The following PTCD1 variants were observed in gnomAD, a reference collection of about 807,000 sequenced individuals.
PTCD1 encodes pentatricopeptide repeat domain 1, also known as pentatricopeptide repeat-containing protein 1, mitochondrial.
PTCD1 carries 50 observed loss-of-function variants against 53.4 expected under a neutral mutation model. That is an observed-to-expected ratio of 0.94 (90% CI 0.75 to 1.19). PTCD1 has a LOEUF of 1.19. PTCD1 is among the 50% of genes most tolerant of loss of function. PTCD1 has a pLI of 0.00. For missense variants in PTCD1, 918 were observed against 904.8 expected, an observed-to-expected ratio of 1.01 and a Z score of -0.19; for synonymous variants, 413 against 394.8, an observed-to-expected ratio of 1.05 and a Z score of -0.55.
intron 5 of PTCD1, among the ~76,000 whole-genome samples, chr7:99,427,320 C>G (rs1322956760): frequency 1.4e-5 from 2 of 146,560 alleles, no homozygotes; most frequent in Admixed American, 6.7e-5. Flanking sequence ...GGTCAGCCCC[C>G]CGCCCGGCCA....
intron 1 of PTCD1, among the ~76,000 whole-genome samples, chr7:99,437,546 G>A (rs1244908110): frequency 6.6e-6 from 1 of 152,018 alleles, no homozygotes. Context: ...CTTGTGATCC[G>A]CCCGCCTCGG....
intron 7 of PTCD1, among the ~76,000 whole-genome samples, chr7:99,422,809 T>A (rs1795874371): frequency 1.3e-5 from 2 of 152,174 alleles, no homozygotes; most frequent in South Asian, 4.1e-4. Context: ...CCTGTCTGCA[T>A]AATAAAAGGT....
At chr7:99,433,077 C>A in intron 3 of PTCD1, 1 of 732,058 alleles carries the variant, frequency 1.4e-6, no homozygotes, top group Admixed American at 2.5e-5. Flanking sequence ...AACATGGGGA[C>A]CGCCACAGTC....
rs1268624368 is a variant in PTCD1, at chr7:99,419,592, A to G, written c.*375T>C. 7.6e-6 allele frequency: 7 copies of G among 926,514 alleles called. No individual in the cohort carries two copies. The highest frequency in any genetic ancestry group is 8.1e-6 in the Non-Finnish European group (5 of 616,036). The allele number at this position is 926,514 out of a possible 1,614,324, so 57.4% of individuals were successfully genotyped here. On this transcript the variant is annotated 3_prime_UTR_variant, in exon 8 of 8. Coordinates refer to ENST00000292478, the MANE Select transcript of PTCD1 (RefSeq NM_015545.4). ...CGCTGTCTATCAGCTGTGATTTGTA[A>G]AAATAAAATCTTTAAATCTCTCGAG...
rs1795523806 is a variant in PTCD1, at chr7:99,417,061, A to G, written c.*2906T>C. ...AAGGACTGTCCCGTTGCAATACTGA[A>G]TGCCTTTTTTTTTTTGAGATGGAGT... is the stretch of plus-strand genomic sequence containing the variant. On this transcript the variant is annotated 3_prime_UTR_variant, in exon 8 of 8. Transcript: ENST00000292478. The G allele has an allele frequency of 4.3e-6, 1 of 231,526 alleles. No individual in the cohort carries two copies. Among genetic ancestry groups the G allele is most frequent in the Non-Finnish European group, 8.5e-6 (1 of 117,294 alleles). The allele number at this position is 231,526 out of a possible 1,614,324, so 14.3% of individuals were successfully genotyped here.
At chr7:99,435,999 G>A (rs1796452622) in intron 1 of PTCD1, among the ~76,000 whole-genome samples, 1 of 151,846 alleles carries the variant, frequency 6.6e-6, no homozygotes, top group African/African-American at 2.4e-5. Flanking sequence ...AGAAAGCCTA[G>A]GTTCAGGTCA....
At chr7:99,438,615 G>A in intron 1 of PTCD1, 77 bp downstream of exon 1, 1 of 1,164,076 alleles carries the variant, frequency 8.6e-7, no homozygotes, top group Admixed American at 4.8e-5. Flanking sequence ...TCCAATCCCG[G>A]CTCGGGCACT....
At position 99,425,140 on chromosome 7, in the gene PTCD1, C is replaced by A. The variant is rs140529605; in HGVS notation, c.1392G>T (p.Arg464=). 5 of 1,613,864 alleles carry A rather than the reference C, an allele frequency of 3.1e-6. No individual in the cohort carries two copies. The Admixed American group carries it at 8.3e-5, about 27-fold the overall frequency. The part of the protein sequence containing the change: ...SFGTVTTPAD[R]LALIGGLEGF... ...CCTCCAGGCCCCCTATCAAGGCCAG[C>A]CGGTCAGCTGGGGTGGTCACCGTTC... is the stretch of plus-strand genomic sequence containing the variant. Residue 464 remains arginine (R), a synonymous_variant, in exon 6 of 8, where the codon CGG becomes CGT. Transcript: ENST00000292478.
rs374395113 is a variant in PTCD1, at chr7:99,434,686, T to A, written c.453+104A>T. 31 of 1,445,346 alleles carry A rather than the reference T, an allele frequency of 2.1e-5. No homozygotes were observed. In the African/African-American group the frequency reaches 2.5e-4, roughly 12 times the overall value. 89.5% of individuals were successfully genotyped at this position (1,445,346 alleles called of 1,614,324 possible). On this transcript the variant is annotated intron_variant, in intron 2 of 7. Coordinates refer to ENST00000292478, the MANE Select transcript of PTCD1 (RefSeq NM_015545.4). ...CCATAAGGCTGGCAGTTCAACAGGGTAGGCCCAAAACTTAGAGGCTGGGAA... is the reference window on the plus strand; with the variant it reads ...CCATAAGGCTGGCAGTTCAACAGGGAAGGCCCAAAACTTAGAGGCTGGGAA...
At position 99,417,365 on chromosome 7, in the gene PTCD1, T is replaced by C; in HGVS notation, c.*2602A>G. 6.4e-7 allele frequency: 1 copy of C among 1,564,354 alleles called. No individual in the cohort carries two copies. Among genetic ancestry groups the C allele is most frequent in the Non-Finnish European group, 8.8e-7 (1 of 1,136,976 alleles). ...ACTGCACCCGGCCTGAATGCTTTTT[T>C]TGATCAAGGGTGGGGAAGGTTTTTA... On this transcript the variant is annotated 3_prime_UTR_variant, in exon 8 of 8. Coordinates refer to ENST00000292478, the MANE Select transcript of PTCD1 (RefSeq NM_015545.4).
In PTCD1 at chr7:99,428,602, G is replaced by A. The variant is rs111556982; in HGVS notation, c.915+501C>T. 4.1e-3 allele frequency among the ~76,000 whole-genome samples: 621 copies of A among 151,302 alleles called. 2 individuals are homozygous for A. The highest frequency in any genetic ancestry group is 0.01 in the Middle Eastern group (3 of 290). On this transcript the variant is annotated intron_variant, in intron 5 of 7. Coordinates refer to ENST00000292478, the MANE Select transcript of PTCD1 (RefSeq NM_015545.4). ...ACTAAAAATACAAAATTAGCTGGGC[G>A]TGGTGGCGGGCGCCTGTAATCTCAA... is the stretch of plus-strand genomic sequence containing the variant.
At chr7:99,433,598 C>T (rs761855965) in intron 2 of PTCD1, among the ~76,000 whole-genome samples, 180 bp from the exon 3 acceptor site, 5 of 152,194 alleles carry the variant, frequency 3.3e-5, no homozygotes, top group Non-Finnish European at 7.3e-5. Context: ...ACCATTTCCC[C>T]GGTGAAGCCT....
At chr7:99,427,405 G>A (rs867713964) in intron 5 of PTCD1, among the ~76,000 whole-genome samples, 2,700 of 144,374 alleles carry the variant, frequency 0.019, 13 homozygotes, top group Non-Finnish European at 0.029. Context: ...GGTGAGGGGC[G>A]CCTCTGCCCG....
intron 7 of PTCD1, among the ~76,000 whole-genome samples, chr7:99,420,981 A>G (rs1795788778): frequency 6.6e-6 from 1 of 152,054 alleles, no homozygotes. Flanking sequence ...GTTTGACTCA[A>G]AAGACTGGAC....
intron 1 of PTCD1, among the ~76,000 whole-genome samples, chr7:99,437,129 G>A (rs1198481190): frequency 6.6e-6 from 1 of 152,224 alleles, no homozygotes; most frequent in Non-Finnish European, 1.5e-5. Context: ...GCCTCCCAAA[G>A]TGTTGGGATT....
Position 99,438,735 on chromosome 7 carries a change from G to A in PTCD1, c.-70C>T, listed in dbSNP as rs898788078. 5.4e-6 allele frequency: 7 copies of A among 1,307,200 alleles called. No homozygotes were observed. The highest frequency in any genetic ancestry group is 2.3e-5 in the Admixed American group (1 of 43,086). The allele number at this position is 1,307,200 out of a possible 1,614,324, so 81.0% of individuals were successfully genotyped here. On this transcript the variant is annotated 5_prime_UTR_variant, in exon 1 of 8. Coordinates refer to ENST00000292478, the MANE Select transcript of PTCD1 (RefSeq NM_015545.4). Reference sequence around the variant, plus strand: ...TGCACTCCGACGGGGAGCCCTGCCCGGTCCCCGCGGCGAACCAGTCTCTTC... The same window carrying A: ...TGCACTCCGACGGGGAGCCCTGCCCAGTCCCCGCGGCGAACCAGTCTCTTC...
At chr7:99,424,360 A>T (rs1379945499) in intron 6 of PTCD1, among the ~76,000 whole-genome samples, 1 of 152,218 alleles carries the variant, frequency 6.6e-6, no homozygotes, top group African/African-American at 2.4e-5. Flanking sequence ...ACCTGGGGAC[A>T]CCGACAACCC....
At position 99,419,568 on chromosome 7, in the gene PTCD1, GCTGT is replaced by G. The variant is rs1795704334; in HGVS notation, c.*395_*398del. 4.8e-6 allele frequency: 5 copies of G among 1,051,728 alleles called. No individual in the cohort carries two copies. Among genetic ancestry groups the G allele is most frequent in the Admixed American group, 2.0e-5 (1 of 50,466 alleles). The allele number at this position is 1,051,728 out of a possible 1,614,324, so 65.1% of individuals were successfully genotyped here. A position where few individuals can be genotyped will look rare whatever the true frequency, so the allele number is the denominator to read the frequency against. On this transcript the variant is annotated 3_prime_UTR_variant, in exon 8 of 8. Coordinates refer to ENST00000292478, the MANE Select transcript of PTCD1 (RefSeq NM_015545.4). The stretch of plus-strand genomic sequence containing the variant: ...GCACGGTCTCTATGGGGAAGGCTTC[GCTGT>G]CTATCAGCTGTGATTTGTAAAAATA...
chr7:99,427,070 G>A (rs1231672088), intron 5 of PTCD1, among the ~76,000 whole-genome samples: 8 of 150,796 alleles, frequency 5.3e-5, no homozygotes, highest in South Asian at 4.2e-4. Context: ...CAGCCACCCC[G>A]TCCGGGAGGG....
Sources: gnomAD v4.1 joint callset for allele counts (sites outside exome capture counted in the v4.1 genomes callset) on GRCh38, gnomAD v4.1.1 for gene constraint, MANE v1.5 for transcripts, NCBI Gene and HGNC (gene_info 2026-07-23, HGNC 2026-07-21) for gene names.